Variants in NRXN3 observed in about 807,000 individuals in gnomAD.
NRXN3 encodes neurexin III.
In NRXN3, 32 loss-of-function variants were observed where a neutral mutation model predicts 137.6. That is an observed-to-expected ratio of 0.23 (90% confidence interval 0.18 to 0.31). The LOEUF (loss-of-function observed/expected upper bound fraction) is 0.31, where lower values mean the gene tolerates loss of function less well. Among genes scored for constraint, NRXN3 ranks in the 10% least tolerant of loss-of-function variants. The pLI is 1.00. For synonymous variants in NRXN3, 798 were observed against 784.5 expected (o/e 1.02, Z -0.29); for missense variants, 1,574 against 2,062.5 (o/e 0.76, Z 4.59).
chr14:78,607,383 A>G (rs987643003), intron 4 of NRXN3, among the ~76,000 whole-genome samples: 6 of 152,132 alleles, frequency 3.9e-5, no homozygotes, highest in African/African-American at 7.2e-5. Context: ...CCAAGGTGTA[A>G]GAACTCAGGC....
chr14:78,807,641 A>C (rs1031844961), intron 9 of NRXN3, among the ~76,000 whole-genome samples: 3 of 151,310 alleles, frequency 2.0e-5, no homozygotes, highest in Non-Finnish European at 4.4e-5. Flanking sequence ...AGGCTGAGGC[A>C]GGAGAATCGC....
At chr14:79,565,317 A>G (rs558498138) in intron 16 of NRXN3, among the ~76,000 whole-genome samples, 48 of 127,936 alleles carry the variant, frequency 3.8e-4, no homozygotes, top group Admixed American at 1.8e-3. Flanking sequence ...ATACACACAC[A>G]TGTGTGTGTA....
intron 10 of NRXN3, among the ~76,000 whole-genome samples, chr14:78,888,351 AATGAGTTT>A (rs2099149464): frequency 6.6e-6 from 1 of 151,644 alleles, no homozygotes; most frequent in Non-Finnish European, 1.5e-5. Flanking sequence ...GAGTATCCAG[AATGAGTTT>A]GGGGAGTAAG....
intron 15 of NRXN3, among the ~76,000 whole-genome samples, chr14:79,320,670 G>A (rs186629495): frequency 9.2e-5 from 14 of 152,064 alleles, no homozygotes; most frequent in African/African-American, 3.4e-4. Context: ...AAAGAAAAAG[G>A]GTATCTGTGG....
At chr14:79,230,312 T>C (rs1470222488) in intron 15 of NRXN3, among the ~76,000 whole-genome samples, 1 of 152,134 alleles carries the variant, frequency 6.6e-6, no homozygotes. Flanking sequence ...CCTATCATTG[T>C]TGGGTGCTGA....
chr14:79,609,051 C>T (rs756175784), intron 16 of NRXN3, among the ~76,000 whole-genome samples: 7 of 152,062 alleles, frequency 4.6e-5, no homozygotes, highest in Admixed American at 6.6e-5. Context: ...ACTGCAAATC[C>T]GAAGACTTGA....
intron 16 of NRXN3, among the ~76,000 whole-genome samples, chr14:79,504,428 A>T (rs1469302524): frequency 6.6e-6 from 1 of 151,642 alleles, no homozygotes; most frequent in Admixed American, 6.6e-5. Context: ...AATTTTATCT[A>T]TTGCAAATTT....
At chr14:78,193,761 CAAAA>C (rs375804646) in intron 1 of NRXN3, among the ~76,000 whole-genome samples, 2 of 109,058 alleles carry the variant, frequency 1.8e-5, no homozygotes, top group Non-Finnish European at 1.9e-5. Flanking sequence ...AACTCTGTCT[CAAAA>C]AAAAAAAAAA....
At chr14:78,666,423 C>T (rs2097887264) in intron 6 of NRXN3, among the ~76,000 whole-genome samples, 1 of 152,124 alleles carries the variant, frequency 6.6e-6, no homozygotes. Context: ...AGAAAAGCAG[C>T]ATTGGATGAC....
chr14:79,731,729 C>A, intron 19 of NRXN3, among the ~76,000 whole-genome samples: 1 of 151,906 alleles, frequency 6.6e-6, no homozygotes, highest in Non-Finnish European at 1.5e-5. Context: ...CGTGATCCAC[C>A]TGCCTCAGCC....
At chr14:79,165,370 G>T (rs1215383237) in intron 15 of NRXN3, among the ~76,000 whole-genome samples, 2 of 151,966 alleles carry the variant, frequency 1.3e-5, no homozygotes, top group Admixed American at 6.6e-5. Context: ...AGGTCTAGAG[G>T]TGTCATAACT....
intron 4 of NRXN3, chr14:78,614,999 C>G: frequency 4.4e-6 from 2 of 456,548 alleles, no homozygotes; most frequent in Non-Finnish European, 8.8e-6. Context: ...CTAAATGCAC[C>G]CCTCTACCCA....
At chr14:78,437,307 A>G (rs569934050) in intron 4 of NRXN3, among the ~76,000 whole-genome samples, 1 of 152,100 alleles carries the variant, frequency 6.6e-6, no homozygotes, top group East Asian at 1.9e-4. Flanking sequence ...GGTTCTTAAC[A>G]ATTATATGGT....
chr14:79,527,594 C>T (rs1486541947), intron 16 of NRXN3, among the ~76,000 whole-genome samples: 2 of 151,760 alleles, frequency 1.3e-5, no homozygotes, highest in Non-Finnish European at 2.9e-5. Context: ...AAATAGTGGC[C>T]AGGCATGGTG....
At chr14:79,696,912 C>T (rs2098737599) in intron 18 of NRXN3, among the ~76,000 whole-genome samples, 1 of 151,920 alleles carries the variant, frequency 6.6e-6, no homozygotes, top group East Asian at 1.9e-4. Context: ...ATATTTCATA[C>T]TGAGGGAATA....
intron 15 of NRXN3, among the ~76,000 whole-genome samples, chr14:79,203,799 A>G (rs1398489293): frequency 4.6e-5 from 7 of 152,184 alleles, no homozygotes; most frequent in Admixed American, 3.9e-4. Context: ...TATACATGTA[A>G]AATTATTAGC....
chr14:79,138,041 C>G (rs1299717461), intron 15 of NRXN3, among the ~76,000 whole-genome samples: 1 of 151,958 alleles, frequency 6.6e-6, no homozygotes, highest in Non-Finnish European at 1.5e-5. Flanking sequence ...AAATGCTTTG[C>G]TAAGCAAATA....
intron 15 of NRXN3, among the ~76,000 whole-genome samples, chr14:79,445,662 A>G (rs193206231): frequency 4.1e-4 from 63 of 152,282 alleles, no homozygotes; most frequent in African/African-American, 1.2e-3. Flanking sequence ...CAGCCATGCA[A>G]ACATCTGGGG....
intron 8 of NRXN3, among the ~76,000 whole-genome samples, chr14:78,728,427 A>G (rs1281755984): frequency 3.9e-5 from 6 of 152,194 alleles, no homozygotes; most frequent in Admixed American, 6.5e-5. Flanking sequence ...GGGAACTACT[A>G]AAAGGGCAAC....
Sources: allele counts gnomAD v4.1 joint callset (sites outside exome capture counted in the v4.1 genomes callset), GRCh38; gene constraint gnomAD v4.1.1; transcripts MANE v1.5; gene names NCBI Gene and HGNC (gene_info 2026-07-23, HGNC 2026-07-21).